The following MACROD2 variants were observed in gnomAD, a reference collection of about 807,000 sequenced individuals.
The protein encoded by MACROD2 is ADP-ribose glycohydrolase MACROD2.
A neutral mutation model predicts 70.4 loss-of-function variants in MACROD2; 36 were observed. That is an observed-to-expected ratio of 0.51 (90% confidence interval 0.39 to 0.68). The LOEUF (loss-of-function observed/expected upper bound fraction) is 0.68. Ranked by LOEUF, MACROD2 falls within the 30% of genes least tolerant of loss-of-function variation. The pLI is 0.00. For synonymous variants in MACROD2, 172 were observed against 178.8 expected, an observed-to-expected ratio of 0.96 and a Z score of 0.30; for missense variants, 496 against 538.4, an observed-to-expected ratio of 0.92 and a Z score of 0.78.
chr20:15,472,565 C>G (rs1376048532), intron 7 of MACROD2, among the ~76,000 whole-genome samples: 1 of 152,020 alleles, frequency 6.6e-6, no homozygotes, highest in Non-Finnish European at 1.5e-5. Flanking sequence ...AGCCTTAAAT[C>G]CCGTTGCTCA....
At chr20:14,581,339 T>C (rs1236992256) in intron 4 of MACROD2, among the ~76,000 whole-genome samples, 2 of 152,232 alleles carry the variant, frequency 1.3e-5, no homozygotes, top group Non-Finnish European at 2.9e-5. Context: ...ATTGTAGAAC[T>C]TGAGCATCTA....
intron 2 of MACROD2, among the ~76,000 whole-genome samples, chr20:14,026,083 C>T (rs1324786234): frequency 6.6e-6 from 1 of 152,124 alleles, no homozygotes; most frequent in Non-Finnish European, 1.5e-5. Context: ...GCATTGATCC[C>T]TTTACCATTA....
chr20:15,085,635 A>G (rs1216691233), intron 5 of MACROD2, among the ~76,000 whole-genome samples: 2 of 152,132 alleles, frequency 1.3e-5, no homozygotes, highest in Non-Finnish European at 1.5e-5. Context: ...GTCTTTAGGA[A>G]GTTAGATATC....
intron 5 of MACROD2, among the ~76,000 whole-genome samples, chr20:14,876,890 G>A (rs1253891771): frequency 6.6e-6 from 1 of 152,130 alleles, no homozygotes; most frequent in Non-Finnish European, 1.5e-5. Context: ...TAAAAGTCAG[G>A]TAATGTGATG....
intron 5 of MACROD2, among the ~76,000 whole-genome samples, chr20:14,887,441 C>T (rs1221095890): frequency 1.3e-5 from 2 of 149,644 alleles, no homozygotes; most frequent in African/African-American, 4.9e-5. Context: ...AACCCAGGCT[C>T]AAGTGCAGTG....
chr20:14,168,207 C>T (rs1271228802), intron 3 of MACROD2, among the ~76,000 whole-genome samples: 2 of 151,934 alleles, frequency 1.3e-5, no homozygotes, highest in African/African-American at 2.4e-5. Flanking sequence ...AGTAAGTGAC[C>T]TACAAACACA....
chr20:14,672,331 G>A (rs2070805133), intron 4 of MACROD2, among the ~76,000 whole-genome samples: 1 of 152,192 alleles, frequency 6.6e-6, no homozygotes, highest in African/African-American at 2.4e-5. Flanking sequence ...TCACATGGGA[G>A]CTAAGCAGAG....
At chr20:14,456,507 C>T (rs1418050954) in intron 3 of MACROD2, among the ~76,000 whole-genome samples, 2 of 151,704 alleles carry the variant, frequency 1.3e-5, no homozygotes, top group African/African-American at 4.9e-5. Context: ...AATCAGCCCT[C>T]TTAAACAAAT....
intron 8 of MACROD2, among the ~76,000 whole-genome samples, chr20:15,520,143 T>C (rs1383070000): frequency 6.6e-6 from 1 of 152,252 alleles, no homozygotes; most frequent in Non-Finnish European, 1.5e-5. Context: ...TAAATGTTTC[T>C]TTAAATGGCT....
chr20:14,317,616 CAAA>C (rs57339002), intron 3 of MACROD2, among the ~76,000 whole-genome samples: 2,314 of 112,694 alleles, frequency 0.021, 66 homozygotes, highest in African/African-American at 0.067. Context: ...GAGACTGTCT[CAAA>C]AAAAAAAAAA....
At chr20:15,444,451 A>G (rs1191790292) in intron 7 of MACROD2, among the ~76,000 whole-genome samples, 1 of 152,210 alleles carries the variant, frequency 6.6e-6, no homozygotes, top group Non-Finnish European at 1.5e-5. Flanking sequence ...TGCTGTTTCC[A>G]TTCTTTGGTC....
At chr20:14,958,976 C>T (rs778327042) in intron 5 of MACROD2, among the ~76,000 whole-genome samples, 1 of 152,108 alleles carries the variant, frequency 6.6e-6, no homozygotes, top group Non-Finnish European at 1.5e-5. Context: ...CAAACTGAGA[C>T]TGATTATGTA....
intron 2 of MACROD2, among the ~76,000 whole-genome samples, chr20:14,006,850 T>A (rs1038931387): frequency 6.6e-6 from 1 of 152,216 alleles, no homozygotes; most frequent in Non-Finnish European, 1.5e-5. Flanking sequence ...CCTTTATTTC[T>A]TATGAGTTGG....
rs144330790 is a variant in MACROD2, at chr20:15,760,705, C to G, written c.646-102040C>G. Among the ~76,000 whole-genome samples the G allele has an allele frequency of 2.3e-3, 350 of 152,258 alleles. 1 individual carries two copies. The highest frequency in any genetic ancestry group is 8.0e-3 in the African/African-American group (334 of 41,546). ...CAAGCATGCACACACCGACATCTAG[C>G]AAAATGCCTGGAAGTACCCTGCACA... On this transcript the variant is annotated intron_variant, in intron 8 of 17. Coordinates refer to ENST00000684519, the MANE Select transcript of MACROD2 (RefSeq NM_001351661.2).
At chr20:14,709,017 G>A (rs1034700717) in intron 5 of MACROD2, among the ~76,000 whole-genome samples, 2 of 152,072 alleles carry the variant, frequency 1.3e-5, no homozygotes, top group Admixed American at 6.6e-5. Flanking sequence ...GGGTTGATGT[G>A]AGCAGTCTTC....
Position 15,278,573 on chromosome 20 carries a change from A to C in MACROD2, c.540+48512A>C, listed in dbSNP as rs1157949016. 2.0e-5 allele frequency among the ~76,000 whole-genome samples: 3 copies of C among 152,206 alleles called. No homozygotes were observed. In the East Asian group the frequency reaches 5.8e-4, roughly 29 times the overall value. On this transcript the variant is annotated intron_variant, in intron 6 of 17. Transcript: ENST00000684519. ...CTGAAATAGTAATAGAAGTCAACGTACACATGATAAAACAGGTAGCAATGG... is the reference window on the plus strand; with the variant it reads ...CTGAAATAGTAATAGAAGTCAACGTCCACATGATAAAACAGGTAGCAATGG...
chr20:14,064,869 T>G (rs538783390), intron 2 of MACROD2, among the ~76,000 whole-genome samples: 1 of 152,282 alleles, frequency 6.6e-6, no homozygotes, highest in East Asian at 1.9e-4. Context: ...AGATTAGTAA[T>G]GAAGTAATTA....
intron 4 of MACROD2, among the ~76,000 whole-genome samples, chr20:14,587,746 AT>A (rs1003343527): frequency 1.3e-4 from 20 of 149,968 alleles, no homozygotes; most frequent in African/African-American, 4.9e-4. Context: ...TTTAAAAAAA[AT>A]AAACCCTACT....
At chr20:14,641,637 G>A (rs753241535) in intron 4 of MACROD2, among the ~76,000 whole-genome samples, 4 of 152,164 alleles carry the variant, frequency 2.6e-5, no homozygotes, top group Admixed American at 6.5e-5. Context: ...CAACATTAAC[G>A]TCTTTGTACA....
Sources: allele counts gnomAD v4.1 joint callset (sites outside exome capture counted in the v4.1 genomes callset), GRCh38; gene constraint gnomAD v4.1.1; transcripts MANE v1.5; gene names NCBI Gene and HGNC (gene_info 2026-07-23, HGNC 2026-07-21).